The following NEGR1 variants were observed in gnomAD, a reference collection of about 807,000 sequenced individuals.
NEGR1 encodes the protein neuronal growth regulator 1.
NEGR1 carries 10 observed loss-of-function variants against 40.9 expected under a neutral mutation model. The observed-to-expected ratio is 0.24, with a 90% CI of 0.15 to 0.42. NEGR1 has a LOEUF of 0.42. Among genes scored for constraint, NEGR1 ranks in the 10% least tolerant of loss-of-function variants. NEGR1 has a pLI of 1.00. For synonymous variants in NEGR1, 185 were observed against 166.8 expected, an observed-to-expected ratio of 1.11 and a Z score of -0.84; for missense variants, 352 against 438.9, an observed-to-expected ratio of 0.80 and a Z score of 1.77.
At chr1:71,663,012 A>G (rs1652118166) in intron 4 of NEGR1, among the ~76,000 whole-genome samples, 2 of 151,198 alleles carry the variant, frequency 1.3e-5, no homozygotes, top group Admixed American at 1.3e-4. Context: ...GCTGGAGTGC[A>G]GTGGCACGAT....
At chr1:71,605,034 A>T (rs1650034296) in intron 5 of NEGR1, among the ~76,000 whole-genome samples, 1 of 152,116 alleles carries the variant, frequency 6.6e-6, no homozygotes, top group African/African-American at 2.4e-5. Context: ...CTCATTTGCA[A>T]CGTTTTCATC....
intron 1 of NEGR1, among the ~76,000 whole-genome samples, chr1:71,987,034 T>C (rs1240084933): frequency 3.3e-5 from 5 of 152,190 alleles, no homozygotes; most frequent in Non-Finnish European, 7.4e-5. Context: ...AGCAGAATTT[T>C]GAGTGTTTTC....
intron 1 of NEGR1, among the ~76,000 whole-genome samples, chr1:72,077,548 G>A (rs902873361): frequency 6.6e-6 from 1 of 151,908 alleles, no homozygotes; most frequent in Admixed American, 6.6e-5. Flanking sequence ...CCAGCACTTC[G>A]GGAGGCTGAA....
At chr1:71,746,945 A>G (rs1655406372) in intron 3 of NEGR1, among the ~76,000 whole-genome samples, 1 of 152,232 alleles carries the variant, frequency 6.6e-6, no homozygotes, top group African/African-American at 2.4e-5. Flanking sequence ...TCAATTATGT[A>G]AAAAGCTTAT....
At chr1:71,850,323 T>C (rs1054326486) in intron 2 of NEGR1, among the ~76,000 whole-genome samples, 3 of 151,874 alleles carry the variant, frequency 2.0e-5, no homozygotes, top group African/African-American at 7.3e-5. Flanking sequence ...GCCCGGCAAA[T>C]ATTTATATTT....
At chr1:71,507,247 C>T (rs1441965722) in intron 6 of NEGR1, among the ~76,000 whole-genome samples, 1 of 152,176 alleles carries the variant, frequency 6.6e-6, no homozygotes, top group African/African-American at 2.4e-5. Flanking sequence ...TGATCCCAGA[C>T]ATCCCTAAAG....
chr1:71,543,179 A>AACACATAC (rs538524288), intron 6 of NEGR1, among the ~76,000 whole-genome samples: 165 of 151,820 alleles, frequency 1.1e-3, no homozygotes, highest in African/African-American at 3.8e-3. Context: ...TAAATGAAAA[A>AACACATAC]ACACATACAC....
At chr1:72,157,724 A>G (rs918370972) in intron 1 of NEGR1, among the ~76,000 whole-genome samples, 3 of 152,142 alleles carry the variant, frequency 2.0e-5, no homozygotes, top group African/African-American at 7.2e-5. Context: ...ACTGCTCACT[A>G]TGAATCCAAG....
chr1:71,601,028 C>T (rs750300845), intron 5 of NEGR1, among the ~76,000 whole-genome samples: 2 of 152,134 alleles, frequency 1.3e-5, no homozygotes, highest in African/African-American at 2.4e-5. Flanking sequence ...CATAGAATTA[C>T]GTTCAAATTT....
chr1:72,097,844 C>CA (rs1178694824), intron 1 of NEGR1, among the ~76,000 whole-genome samples: 1 of 152,180 alleles, frequency 6.6e-6, no homozygotes, highest in Non-Finnish European at 1.5e-5. Context: ...TTACACATTA[C>CA]AGAGATCTCT....
intron 4 of NEGR1, among the ~76,000 whole-genome samples, chr1:71,625,568 T>A (rs549665282): frequency 4.6e-5 from 7 of 151,818 alleles, no homozygotes; most frequent in Non-Finnish European, 1.0e-4. Flanking sequence ...CTAGAGCATA[T>A]ACAGATTTTT....
chr1:71,470,369 G>C (rs115701417), intron 6 of NEGR1, among the ~76,000 whole-genome samples: 1,739 of 152,148 alleles, frequency 0.011, 30 homozygotes, highest in African/African-American at 0.04. Flanking sequence ...CGATGTTGAT[G>C]TTTTATGTGA....
intron 4 of NEGR1, among the ~76,000 whole-genome samples, chr1:71,639,206 GA>G (rs111324697): frequency 0.09 from 10,469 of 116,346 alleles, 598 homozygotes; most frequent in African/African-American, 0.2. Flanking sequence ...GATGTTCAGG[GA>G]AAAAAAAAAA....
At chr1:72,080,839 T>A (rs1482866883) in intron 1 of NEGR1, among the ~76,000 whole-genome samples, 1 of 152,072 alleles carries the variant, frequency 6.6e-6, no homozygotes, top group East Asian at 1.9e-4. Context: ...ATACTCAAAT[T>A]TTCCTGGATG....
At chr1:72,220,363 T>A (rs1653971664) in intron 1 of NEGR1, among the ~76,000 whole-genome samples, 1 of 151,936 alleles carries the variant, frequency 6.6e-6, no homozygotes, top group Non-Finnish European at 1.5e-5. Flanking sequence ...AATCAGAATC[T>A]CAGTAGTTAC....
chr1:72,201,306 T>G (rs2100446922), intron 1 of NEGR1, among the ~76,000 whole-genome samples: 1 of 150,868 alleles, frequency 6.6e-6, no homozygotes, highest in African/African-American at 2.4e-5. Context: ...AAATAATTTT[T>G]TTATATTTTA....
chr1:72,008,330 T>C (rs1646627150), intron 1 of NEGR1, among the ~76,000 whole-genome samples: 2 of 152,120 alleles, frequency 1.3e-5, no homozygotes. Flanking sequence ...TTTCCATCAT[T>C]AAAAAGAAAG....
At chr1:72,251,637 A>C (rs890007874) in intron 1 of NEGR1, among the ~76,000 whole-genome samples, 1 of 152,164 alleles carries the variant, frequency 6.6e-6, no homozygotes, top group Non-Finnish European at 1.5e-5. Flanking sequence ...TCATTGTTAT[A>C]CTGTATTGTT....
At chr1:71,835,491 T>C in intron 2 of NEGR1, among the ~76,000 whole-genome samples, 1 of 152,140 alleles carries the variant, frequency 6.6e-6, no homozygotes, top group East Asian at 1.9e-4. Flanking sequence ...TACTTCCTTA[T>C]TATACTTTTT....
Sources: gnomAD v4.1 joint callset for allele counts (sites outside exome capture counted in the v4.1 genomes callset) on GRCh38, gnomAD v4.1.1 for gene constraint, MANE v1.5 for transcripts, NCBI Gene and HGNC (gene_info 2026-07-23, HGNC 2026-07-21) for gene names.